The following FAS variants were observed in gnomAD, a reference collection of about 807,000 sequenced individuals.
FAS encodes Fas cell surface death receptor, also known as tumor necrosis factor receptor superfamily member 6.
FAS carries 5 observed loss-of-function variants against 33.2 expected under a neutral mutation model. That is an observed-to-expected ratio of 0.15 (90% CI 0.08 to 0.32). The LOEUF (loss-of-function observed/expected upper bound fraction) is 0.32. Among genes scored for constraint, FAS ranks in the 10% least tolerant of loss-of-function variants. FAS has a pLI of 1.00. For missense variants in FAS, 339 were observed against 386.0 expected, an observed-to-expected ratio of 0.88 and a Z score of 1.02; for synonymous variants, 131 against 130.7, an observed-to-expected ratio of 1.00 and a Z score of -0.01.
At chr10:88,975,051 T>C (rs904785990) in intron 2 of FAS, 12 of 152,206 alleles carry the variant, frequency 7.9e-5, no homozygotes, top group East Asian at 3.8e-4. Context: ...ATTTCTAGCA[T>C]GTAGTTCGTG....
Position 89,007,765 on chromosome 10 carries a change from G to A in FAS, c.262G>A (p.Gly88Arg), listed in dbSNP as rs1036815834. The A allele has an allele frequency of 6.2e-7, 1 of 1,614,094 alleles. No individual in the cohort carries two copies. Among genetic ancestry groups the A allele is most frequent in the Non-Finnish European group, 8.5e-7 (1 of 1,179,970 alleles). Residue 88 changes from glycine to arginine, a missense_variant, in exon 3 of 9, where the codon GGG (glycine) becomes AGG (arginine). By Grantham distance (125) the Gly-to-Arg change is moderately radical (BLOSUM62 -2). Around this residue, in one of 3 missense-constraint regions of FAS, gnomAD observed 276 missense variants for 300.1 expected, o/e 0.92. Coordinates refer to ENST00000652046, the MANE Select transcript of FAS (RefSeq NM_000043.6). ...DEPDCVPCQE[G>R]KEYTDKAHFS... ...ACCAGACTGCGTGCCCTGCCAAGAA[G>A]GGAAGGAGTACACAGACAAAGCCCA...
intron 2 of FAS, among the ~76,000 whole-genome samples, chr10:88,976,355 G>A (rs1347505237): frequency 1.3e-5 from 2 of 152,168 alleles, no homozygotes; most frequent in Non-Finnish European, 2.9e-5. Context: ...TTAATATATT[G>A]ATATTATCAC....
At chr10:88,966,335 A>G (rs551562357) in intron 1 of FAS, among the ~76,000 whole-genome samples, 1 of 152,242 alleles carries the variant, frequency 6.6e-6, no homozygotes, top group South Asian at 2.1e-4. Context: ...AGGGAAGGGG[A>G]TTGGACAGGA....
Position 89,012,037 on chromosome 10 carries a change from A to C in FAS, c.607A>C (p.Arg203=). The change falls in exon 7 of 9, where the codon AGA becomes CGA. Residue 203 remains arginine, a synonymous_variant. Transcript: ENST00000652046. The stretch of plus-strand genomic sequence containing the variant: ...AGTACAGAAAACATGCAGAAAGCAC[A>C]GAAAGGAAAACCAAGGTTCTCATGA... ...KEVQKTCRKH[R]KENQGSHESP... 6.2e-7 allele frequency: 1 copy of C among 1,614,054 alleles called. No homozygotes were observed.
At chr10:88,993,142 A>G (rs969553329) in intron 1 of FAS, among the ~76,000 whole-genome samples, 1 of 151,826 alleles carries the variant, frequency 6.6e-6, no homozygotes, top group African/African-American at 2.4e-5. Flanking sequence ...CCTTCTCTCA[A>G]CCTTCCTGGT....
intron 2 of FAS, among the ~76,000 whole-genome samples, chr10:89,006,128 A>G (rs935637766): frequency 1.3e-5 from 2 of 152,242 alleles, no homozygotes; most frequent in African/African-American, 4.8e-5. Context: ...CTGTATCTCC[A>G]TTATACCAAG....
Position 88,965,010 on chromosome 10 carries a change from A to G in FAS, n.95-8172A>G, listed in dbSNP as rs193268736. ...CATATAGTCCAGCCCTGTGTATTCT[A>G]TTTCCAGAGCCGGGGATAGCTTCCC... On this transcript the variant is annotated intron_variant and non_coding_transcript_variant, in intron 1 of 3. Coordinates refer to the FAS transcript ENST00000688239. 4.6e-5 allele frequency among the ~76,000 whole-genome samples: 7 copies of G among 152,188 alleles called. No homozygotes were observed. The East Asian group carries it at 9.6e-4, about 21-fold the overall frequency.
chr10:88,979,895 G>A (rs1326090972), intron 2 of FAS, among the ~76,000 whole-genome samples: 1 of 152,158 alleles, frequency 6.6e-6, no homozygotes, highest in African/African-American at 2.4e-5. Flanking sequence ...CAAAGGCTTT[G>A]GGGTAGATCC....
At chr10:88,986,695 GCAGGAAGGAAGTGGTA>G (rs1171650787), upstream of FAS, among the ~76,000 whole-genome samples, 14 of 72,196 alleles carry the variant, frequency 1.9e-4, no homozygotes, top group South Asian at 6.2e-4. Flanking sequence ...AGGAAGTAGT[GCAGGAAGGAAGTGGTA>G]CAGGAAGGAA....
chr10:88,984,124 C>A (rs573810389), upstream of FAS, among the ~76,000 whole-genome samples: 1 of 152,256 alleles, frequency 6.6e-6, no homozygotes, highest in African/African-American at 2.4e-5. Context: ...AAGTAGTGTT[C>A]TTTGTATAGT....
rs2133503713 is a variant in FAS, at chr10:89,007,796, C to T, written c.293C>T (p.Ser98Phe). 1.2e-6 allele frequency: 2 copies of T among 1,614,046 alleles called. No homozygotes were observed. Among genetic ancestry groups the T allele is most frequent in the African/African-American group, 1.3e-5 (1 of 75,024 alleles). Residue 98 changes from serine to phenylalanine, a missense_variant, in exon 3 of 9, where the codon TCT (serine) becomes TTT (phenylalanine). Physicochemically the swap from Ser to Phe is radical, Grantham distance 155. Around this residue, in one of 3 missense-constraint regions of FAS, gnomAD observed 276 missense variants for 300.1 expected, o/e 0.92. Transcript: ENST00000652046. ...GAGTACACAGACAAAGCCCATTTTT[C>T]TTCCAAATGCAGAAGATGTAGATTG... ...GKEYTDKAHF[S>F]SKCRRCRLCD... is the part of the protein sequence containing the mutation.
At chr10:88,967,376 T>G (rs1023901286) in intron 1 of FAS, among the ~76,000 whole-genome samples, 7 of 152,120 alleles carry the variant, frequency 4.6e-5, no homozygotes, top group Admixed American at 4.6e-4. Flanking sequence ...CCTTGGCAAA[T>G]CATCTAGCAT....
intron 1 of FAS, among the ~76,000 whole-genome samples, chr10:88,995,498 T>G (rs1218151755): frequency 6.6e-6 from 1 of 152,182 alleles, no homozygotes; most frequent in African/African-American, 2.4e-5. Context: ...TGAGTCCCAC[T>G]AAGTAGAAAT....
upstream of FAS, among the ~76,000 whole-genome samples, chr10:88,987,551 C>A (rs1846940001): frequency 6.6e-6 from 1 of 152,226 alleles, no homozygotes; most frequent in Non-Finnish European, 1.5e-5. Context: ...TCACAACCAA[C>A]CACATCAGTT....
chr10:88,991,073 T>G lies in FAS; in HGVS notation c.30+167T>G, dbSNP rs1478689919. 5 of 808,644 alleles carry G rather than the reference T, an allele frequency of 6.2e-6. No individual in the cohort carries two copies. The East Asian group carries it at 1.3e-4, about 21-fold the overall frequency. 50.1% of individuals were successfully genotyped at this position (808,644 alleles called of 1,614,324 possible). A position where few individuals can be genotyped will look rare whatever the true frequency, so the allele number is the denominator to read the frequency against. ...GCGTTGGAGACTGGCTCCCGGGGGCTGTTAGGACCTTCCCTCAGGCCCGGG... is the reference window on the plus strand; with the variant it reads ...GCGTTGGAGACTGGCTCCCGGGGGCGGTTAGGACCTTCCCTCAGGCCCGGG... On this transcript the variant is annotated intron_variant, in intron 1 of 8. Transcript: ENST00000652046.
intron 8 of FAS, 40 bp from the exon 9 acceptor site, chr10:89,014,079 T>C (rs1001385206): frequency 2.5e-6 from 4 of 1,598,420 alleles, no homozygotes; most frequent in African/African-American, 2.7e-5. Context: ...GGGAATTTCA[T>C]TTAGAAAAAC....
At chr10:88,983,538 C>T (rs1283680560), upstream of FAS, among the ~76,000 whole-genome samples, 2 of 122,562 alleles carry the variant, frequency 1.6e-5, no homozygotes, top group Non-Finnish European at 3.2e-5. Context: ...AGTTTCTTTT[C>T]TATAAAATAG....
At chr10:89,010,068 T>C (rs1219252508) in intron 4 of FAS, among the ~76,000 whole-genome samples, 1 of 152,048 alleles carries the variant, frequency 6.6e-6, no homozygotes, top group Non-Finnish European at 1.5e-5. Context: ...TCACCACCGG[T>C]TGCTAAAAGT....
chr10:88,983,196 A>G (rs1184393856), upstream of FAS, among the ~76,000 whole-genome samples: 1 of 152,206 alleles, frequency 6.6e-6, no homozygotes, highest in African/African-American at 2.4e-5. Flanking sequence ...TATGTGAGCT[A>G]TGATTCTTAG....
Sources: allele counts gnomAD v4.1 joint callset (sites outside exome capture counted in the v4.1 genomes callset), GRCh38; gene constraint gnomAD v4.1.1; regional missense constraint gnomAD v4.1.1; transcripts MANE v1.5; gene names NCBI Gene and HGNC (gene_info 2026-07-23, HGNC 2026-07-21).